Variants in CIAO3 observed in about 807,000 individuals in gnomAD.
CIAO3 encodes the protein LET1 like/JFP15.
Under a neutral mutation model 51.5 loss-of-function variants are expected in CIAO3, and 45 were observed. The ratio of observed to expected loss-of-function variants is 0.87; its 90% CI spans 0.69 to 1.12. CIAO3 has a LOEUF of 1.12. Ranked by LOEUF, CIAO3 falls within the 50% of genes most tolerant of loss-of-function variation. The probability of loss-of-function intolerance (pLI) is 0.00; values close to 1 mark genes in which losing one functional copy is unlikely to be tolerated. For missense variants in CIAO3, 668 were observed against 632.5 expected (o/e 1.06, Z -0.60); for synonymous variants, 314 against 269.3 (o/e 1.17, Z -1.63).
chr16:732,471 T>C, intron 7 of CIAO3, 98 bp from the exon 8 acceptor site: 1 of 1,429,678 alleles, frequency 7.0e-7, no homozygotes, highest in East Asian at 2.3e-5. Flanking sequence ...GTCTGCACTT[T>C]GGCCCCAGAA....
At chr16:733,693 C>T (rs931880136) in intron 6 of CIAO3, 12 of 478,168 alleles carry the variant, frequency 2.5e-5, no homozygotes, top group Non-Finnish European at 1.1e-5. Context: ...GGCCTTCCCA[C>T]GGCTCGGGCC....
intron 3 of CIAO3, among the ~76,000 whole-genome samples, 190 bp from the exon 4 acceptor site, chr16:736,588 C>G (rs2041340926): frequency 6.6e-6 from 1 of 151,900 alleles, no homozygotes; most frequent in Admixed American, 6.6e-5. Flanking sequence ...GATCGGAGCT[C>G]ACTGCATGCA....
intron 8 of CIAO3, chr16:732,035 G>A (rs1420900045): frequency 7.6e-6 from 4 of 529,560 alleles, no homozygotes; most frequent in African/African-American, 5.7e-5. Flanking sequence ...TTACCACCAT[G>A]TCTGGCTAAA....
chr16:731,591 C>T lies in CIAO3; in HGVS notation c.1008G>A (p.Val336=). 1 of 1,567,688 alleles carries T rather than the reference C, an allele frequency of 6.4e-7. No individual in the cohort carries two copies. Among genetic ancestry groups the T allele is most frequent in the Non-Finnish European group, 8.6e-7 (1 of 1,156,766 alleles). ...HAARELFGIH[V]AEVTYKPLRN... ...TCAGGGGTTTGTAGGTAACCTCAGC[C>T]ACATGGATTCCAAAGAGCTCTCGGG... Residue 336 remains valine (V), a synonymous_variant, in exon 9 of 11, where the codon GTG becomes GTA. Transcript: ENST00000251588.
Position 731,674 on chromosome 16 carries a change from T to C in CIAO3, c.925A>G (p.Thr309Ala). The C allele has an allele frequency of 1.3e-6, 2 of 1,557,578 alleles. No homozygotes were observed. The highest frequency in any genetic ancestry group is 1.7e-4 in the Middle Eastern group (1 of 5,998). Residue 309 changes from threonine to alanine, a missense_variant, in exon 9 of 11, where the codon ACC becomes GCC. Coordinates refer to ENST00000251588, the MANE Select transcript of CIAO3 (RefSeq NM_022493.3). Reference sequence around the variant, plus strand: ...CCCGAGCCCCCTCCCCGATGGCTGGTGGGCTCCTCTGCAGAGGCACCGCTG... The same window carrying C: ...CCCGAGCCCCCTCCCCGATGGCTGGCGGGCTCCTCTGCAGAGGCACCGCTG... ...LCSGASAEEPTSHRGGGSGGY... is the reference protein window; with the variant it reads ...LCSGASAEEPASHRGGGSGGY...
rs2041272191 is a variant in CIAO3 at position 730,945 on chromosome 16, A to C, written c.1090T>G (p.Phe364Val). The change falls in exon 10 of 11, where the codon TTC (phenylalanine) becomes GTC (valine). Residue 364 changes from phenylalanine to valine, a missense_variant. Phe to Val is a conservative substitution (Grantham distance 50). Transcript: ENST00000251588. Reference sequence around the variant, plus strand: ...TTGCGGAAGCCGTACGCCATTGCGAAGTGCAGCAGCACCTGGCCCTCCTTC... The same window carrying C: ...TTGCGGAAGCCGTACGCCATTGCGACGTGCAGCAGCACCTGGCCCTCCTTC... ...LEKEGQVLLH[F>V]AMAYGFRNIQ... is the part of the protein sequence containing the mutation. 6.2e-7 allele frequency: 1 copy of C among 1,612,864 alleles called. No individual in the cohort carries two copies. The highest frequency in any genetic ancestry group is 1.7e-5 in the Admixed American group (1 of 60,000).
At position 737,436 on chromosome 16, in the gene CIAO3, C is replaced by A. The variant is rs573901170; in HGVS notation, c.163-107G>T. On this transcript the variant is annotated intron_variant, in intron 2 of 10. Transcript: ENST00000251588. This position sits in a 1 kb window ranked among gnomAD's most constrained non-coding sequence, Gnocchi z 5.3. ...AACCGACAACCAACATGGCTGCTGG[C>A]TGGGCTTGTGTGCCGCTGAATTTTT... is the stretch of plus-strand genomic sequence containing the variant. 34 of 1,582,022 alleles carry A rather than the reference C, an allele frequency of 2.1e-5. No homozygotes were observed. In the African/African-American group the frequency reaches 4.3e-4, roughly 20 times the overall value.
chr16:731,341 C>G, intron 9 of CIAO3: 7 of 641,690 alleles, frequency 1.1e-5, no homozygotes, highest in Non-Finnish European at 1.0e-5. Context: ...GGCTCAGGGT[C>G]ACCATCCCCC....
At position 737,169 on chromosome 16, in the gene CIAO3, G is replaced by A; in HGVS notation, c.306+17C>T. 1 of 1,613,436 alleles carries A rather than the reference G, an allele frequency of 6.2e-7. No individual in the cohort carries two copies. Among genetic ancestry groups the A allele is most frequent in the Non-Finnish European group, 8.5e-7 (1 of 1,179,882 alleles). ...ATTTCAGGTTAAAGCAGAGTCACCA[G>A]GCCGACCACTGCTTACCTTGTTAGC... On this transcript the variant is annotated intron_variant, in intron 3 of 10. Coordinates refer to ENST00000251588, the MANE Select transcript of CIAO3 (RefSeq NM_022493.3). The surrounding 1 kb of genome is among the most constrained non-coding windows in gnomAD (Gnocchi z 5.3).
intron 2 of CIAO3, chr16:738,197 T>G (rs1014243661): frequency 2.9e-5 from 29 of 996,372 alleles, no homozygotes; most frequent in Admixed American, 1.6e-4. Flanking sequence ...CAGCCACGCC[T>G]ACCAGCACCC....
chr16:736,967 G>A (rs2041345557), intron 3 of CIAO3: 1 of 601,512 alleles, frequency 1.7e-6, no homozygotes, highest in Non-Finnish European at 2.9e-6. Context: ...CCCAGTAGGG[G>A]TGTCATTTTG....
intron 2 of CIAO3, among the ~76,000 whole-genome samples, chr16:738,711 A>C (rs1175763411): frequency 6.6e-6 from 1 of 150,510 alleles, no homozygotes; most frequent in African/African-American, 2.5e-5. Flanking sequence ...GCAGTGGAGC[A>C]ATCTTGGTTC....
Position 730,358 on chromosome 16 carries a change from C to T in CIAO3, c.*59G>A. 6.6e-7 allele frequency: 1 copy of T among 1,516,312 alleles called. No individual in the cohort carries two copies. Among genetic ancestry groups the T allele is most frequent in the Non-Finnish European group, 9.0e-7 (1 of 1,111,560 alleles). 93.9% of individuals were successfully genotyped at this position (1,516,312 alleles called of 1,614,324 possible). On this transcript the variant is annotated 3_prime_UTR_variant, in exon 11 of 11. Transcript: ENST00000251588. ...TGGGGGAAGCCCTGGGGTCTTGGGG[C>T]ATGTGGTTCTGCTGTCACACATGGA...
intron 9 of CIAO3, 113 bp from the exon 10 acceptor site, chr16:731,113 C>T: frequency 2.2e-6 from 3 of 1,349,102 alleles, no homozygotes; most frequent in Non-Finnish European, 3.1e-6. Flanking sequence ...CCAGGGCTCT[C>T]TCCCTCTCTC....
chr16:732,913 G>A (rs2041300288), intron 7 of CIAO3: 1 of 319,048 alleles, frequency 3.1e-6, no homozygotes, highest in East Asian at 8.4e-5. Flanking sequence ...TGGGATTACA[G>A]GCGTGAGCCA....
chr16:737,846 G>T lies in CIAO3; in HGVS notation c.163-517C>A, dbSNP rs985738275. 1 of 1,184,472 alleles carries T rather than the reference G, an allele frequency of 8.4e-7. No individual in the cohort carries two copies. Among genetic ancestry groups the T allele is most frequent in the Non-Finnish European group, 1.1e-6 (1 of 938,294 alleles). The allele number at this position is 1,184,472 out of a possible 1,614,324, so 73.4% of individuals were successfully genotyped here. A position where few individuals can be genotyped will look rare whatever the true frequency, so the allele number is the denominator to read the frequency against. ...CTCGCCAAACAGATGCAGGAACAAG[G>T]TGTTCCAGTCGGGGGCCTCCGGGAC... is the stretch of plus-strand genomic sequence containing the variant. On this transcript the variant is annotated intron_variant, in intron 2 of 10. Coordinates refer to ENST00000251588, the MANE Select transcript of CIAO3 (RefSeq NM_022493.3). This position sits in a 1 kb window ranked among gnomAD's most constrained non-coding sequence, Gnocchi z 5.3.
chr16:733,657 A>G, intron 6 of CIAO3: 1 of 562,328 alleles, frequency 1.8e-6, no homozygotes, highest in Non-Finnish European at 3.1e-6. Context: ...GCGCTCCCTA[A>G]CAGCCAAGTC....
In CIAO3 at chr16:737,005, G is replaced by A; in HGVS notation, c.306+181C>T. The A allele has an allele frequency of 2.8e-6, 2 of 725,862 alleles. No homozygotes were observed. The highest frequency in any genetic ancestry group is 4.5e-6 in the Non-Finnish European group (2 of 443,272). 45.0% of individuals were successfully genotyped at this position (725,862 alleles called of 1,614,324 possible). On this transcript the variant is annotated intron_variant, in intron 3 of 10. Coordinates refer to ENST00000251588, the MANE Select transcript of CIAO3 (RefSeq NM_022493.3). This position sits in a 1 kb window ranked among gnomAD's most constrained non-coding sequence, Gnocchi z 5.3. ...GTATATTTAGAACCTGAAGTTTGGG[G>A]CCTGACACGTTCACCACTGGAGCCC...
At position 737,546 on chromosome 16, in the gene CIAO3, G is replaced by A. The variant is rs2041352004; in HGVS notation, c.163-217C>T. The A allele has an allele frequency of 6.6e-7, 1 of 1,505,684 alleles. No homozygotes were observed. The highest frequency in any genetic ancestry group is 2.6e-5 in the East Asian group (1 of 38,354). 93.3% of individuals were successfully genotyped at this position (1,505,684 alleles called of 1,614,324 possible). Reference sequence around the variant, plus strand: ...CAAGTCTGCTTCTTGGTACCACTTGGTTAGTGCATCCGAATCACAGGACTA... The same window carrying A: ...CAAGTCTGCTTCTTGGTACCACTTGATTAGTGCATCCGAATCACAGGACTA... On this transcript the variant is annotated intron_variant, in intron 2 of 10. Transcript: ENST00000251588. This position sits in a 1 kb window ranked among gnomAD's most constrained non-coding sequence, Gnocchi z 5.3.
Sources: gnomAD v4.1 joint callset for allele counts (sites outside exome capture counted in the v4.1 genomes callset) on GRCh38, gnomAD v4.1.1 for gene constraint, Gnocchi (gnomAD v3.1) non-coding constraint, MANE v1.5 for transcripts, NCBI Gene and HGNC (gene_info 2026-07-23, HGNC 2026-07-21) for gene names.